The following SLC14A2 variants were observed in gnomAD, a reference collection of about 807,000 sequenced individuals.
SLC14A2 encodes the protein urea transporter 2.
Under a neutral mutation model 104.6 loss-of-function variants are expected in SLC14A2, and 91 were observed. The observed-to-expected ratio is 0.87, with a 90% CI of 0.73 to 1.04. The LOEUF is 1.04. Ranked by LOEUF, SLC14A2 falls within the 50% of genes least tolerant of loss-of-function variation. The pLI, the probability that SLC14A2 is intolerant of heterozygous loss-of-function variation, is 0.00. For missense variants in SLC14A2, 1,189 were observed against 1,156.0 expected, an observed-to-expected ratio of 1.03 and a Z score of -0.41; for synonymous variants, 476 against 466.4, an observed-to-expected ratio of 1.02 and a Z score of -0.27.
intron 1 of SLC14A2, among the ~76,000 whole-genome samples, chr18:45,480,240 A>C (rs1407101497): frequency 6.6e-6 from 1 of 152,040 alleles, no homozygotes; most frequent in African/African-American, 2.4e-5. Context: ...CCTGTCCAAA[A>C]TTTTTCAATG....
At chr18:45,172,020 C>T in the SLC14A2 span, among the ~76,000 whole-genome samples, 1 of 152,256 alleles carries the variant, frequency 6.6e-6, no homozygotes, top group Non-Finnish European at 1.5e-5. Flanking sequence ...AAATTCTCCA[C>T]ACACAGATTT....
chr18:45,467,036 C>A (rs188496996), intron 1 of SLC14A2, among the ~76,000 whole-genome samples: 1 of 152,164 alleles, frequency 6.6e-6, no homozygotes, highest in African/African-American at 2.4e-5. Context: ...GGTATCTAAG[C>A]AGACAGGAAT....
intron 1 of SLC14A2, among the ~76,000 whole-genome samples, chr18:45,406,260 A>T (rs1305031271): frequency 1.3e-5 from 2 of 152,212 alleles, no homozygotes; most frequent in Non-Finnish European, 2.9e-5. Context: ...AGTAGATTCC[A>T]TCTCAAGGAA....
chr18:45,633,684 A>G (rs891558118), intron 5 of SLC14A2, among the ~76,000 whole-genome samples: 6 of 152,238 alleles, frequency 3.9e-5, no homozygotes, highest in Non-Finnish European at 7.3e-5. Context: ...TGTCAGCAAT[A>G]AATCAGACAG....
chr18:45,230,376 T>G (rs2084162511), intron 1 of SLC14A2, among the ~76,000 whole-genome samples: 1 of 152,248 alleles, frequency 6.6e-6, no homozygotes, highest in Admixed American at 6.5e-5. Flanking sequence ...ATTATCTTGC[T>G]TTTTCCAGGT....
At chr18:45,410,571 C>A (rs1041655603) in intron 1 of SLC14A2, among the ~76,000 whole-genome samples, 1 of 152,112 alleles carries the variant, frequency 6.6e-6, no homozygotes, top group Non-Finnish European at 1.5e-5. Context: ...CTACAGCCAG[C>A]TACAGCACTG....
intron 1 of SLC14A2, among the ~76,000 whole-genome samples, chr18:45,252,025 A>C (rs1403470002): frequency 1.3e-5 from 2 of 152,186 alleles, no homozygotes; most frequent in South Asian, 2.1e-4. Flanking sequence ...GCTTTAGTGC[A>C]ACAGCTTGCC....
chr18:45,351,683 A>ATACTATATT (rs1441522536), intron 1 of SLC14A2, among the ~76,000 whole-genome samples: 1 of 152,222 alleles, frequency 6.6e-6, no homozygotes, highest in Non-Finnish European at 1.5e-5. Flanking sequence ...TACCTACAGT[A>ATACTATATT]TACTATATTT....
At chr18:45,212,549 C>T (rs891712972), upstream of SLC14A2, among the ~76,000 whole-genome samples, 1 of 152,174 alleles carries the variant, frequency 6.6e-6, no homozygotes, top group Non-Finnish European at 1.5e-5. Flanking sequence ...CCCCCTCCTC[C>T]AACGTGATCC....
At chr18:45,405,193 G>A (rs1285490699) in intron 1 of SLC14A2, among the ~76,000 whole-genome samples, 1 of 152,208 alleles carries the variant, frequency 6.6e-6, no homozygotes, top group Non-Finnish European at 1.5e-5. Context: ...TGAGAATGTG[G>A]AGGGAACAGC....
chr18:45,508,444 C>G (rs369476354), intron 2 of SLC14A2, among the ~76,000 whole-genome samples: 10 of 152,208 alleles, frequency 6.6e-5, no homozygotes, highest in African/African-American at 1.9e-4. Context: ...TACACAAGCT[C>G]TCTTCTCTTG....
rs578032140 is a variant in SLC14A2 at position 45,220,002 on chromosome 18, A to G, written c.-125+6811A>G. Reference sequence around the variant, plus strand: ...AGACTTTGAATCTTAGCTCAATGATAGATTTTCTGTCGGAAGTTAAGGTGA... The same window carrying G: ...AGACTTTGAATCTTAGCTCAATGATGGATTTTCTGTCGGAAGTTAAGGTGA... On this transcript the variant is annotated intron_variant, in intron 1 of 20. Coordinates refer to the SLC14A2 transcript ENST00000586448. 7.2e-5 allele frequency among the ~76,000 whole-genome samples: 11 copies of G among 152,354 alleles called. No homozygotes were observed. In the South Asian group the frequency reaches 2.3e-3, roughly 32 times the overall value.
chr18:45,639,113 G>A (rs369090570), intron 6 of SLC14A2, among the ~76,000 whole-genome samples: 14 of 152,170 alleles, frequency 9.2e-5, no homozygotes, highest in African/African-American at 2.7e-4. Context: ...AATGCTATGC[G>A]GTCTTCGAGA....
chr18:45,199,199 G>A, the SLC14A2 span, among the ~76,000 whole-genome samples: 1 of 152,126 alleles, frequency 6.6e-6, no homozygotes, highest in Non-Finnish European at 1.5e-5. Context: ...TCATTGCAAT[G>A]TCCATATGTG....
At chr18:45,204,346 A>C in the SLC14A2 span, among the ~76,000 whole-genome samples, 1 of 152,048 alleles carries the variant, frequency 6.6e-6, no homozygotes, top group East Asian at 1.9e-4. Context: ...TTAAATGGAA[A>C]CCTTCGGGTC....
intron 1 of SLC14A2, among the ~76,000 whole-genome samples, chr18:45,454,386 G>C (rs1014462331): frequency 6.6e-6 from 1 of 152,152 alleles, no homozygotes; most frequent in Non-Finnish European, 1.5e-5. Flanking sequence ...TAAGTTCTTT[G>C]TAGATTCTGG....
intron 1 of SLC14A2, among the ~76,000 whole-genome samples, chr18:45,220,808 G>T (rs1358526782): frequency 6.6e-6 from 1 of 152,200 alleles, no homozygotes; most frequent in Non-Finnish European, 1.5e-5. Context: ...ATTTTCTTGT[G>T]GTTCTCGAGG....
chr18:45,244,917 C>T (rs1401029638), intron 1 of SLC14A2, among the ~76,000 whole-genome samples: 1 of 152,170 alleles, frequency 6.6e-6, no homozygotes, highest in Non-Finnish European at 1.5e-5. Flanking sequence ...CCAGCCAATA[C>T]CTACCAATAA....
At chr18:45,329,013 T>A (rs1470147806) in intron 1 of SLC14A2, among the ~76,000 whole-genome samples, 1 of 152,194 alleles carries the variant, frequency 6.6e-6, no homozygotes, top group African/African-American at 2.4e-5. Flanking sequence ...GGCCTAACGA[T>A]TTTTCCAGAG....
Sources: allele counts gnomAD v4.1 joint callset (sites outside exome capture counted in the v4.1 genomes callset), GRCh38; gene constraint gnomAD v4.1.1; transcripts MANE v1.5; gene names NCBI Gene and HGNC (gene_info 2026-07-23, HGNC 2026-07-21).